Variants in SH3RF3 observed in about 807,000 individuals in gnomAD.
SH3RF3 encodes the protein SH3 domain containing ring finger 3.
In SH3RF3, 29 loss-of-function variants were observed where a neutral mutation model predicts 66.3. The ratio of observed to expected loss-of-function variants is 0.44; its 90% CI spans 0.33 to 0.60. The LOEUF is 0.60. Among genes scored for constraint, SH3RF3 ranks in the 20% least tolerant of loss-of-function variants. The pLI is 0.04. For synonymous variants in SH3RF3, 583 were observed against 532.0 expected (o/e 1.10, Z -1.32); for missense variants, 1,194 against 1,190.9 (o/e 1.00, Z -0.04).
chr2:109,261,410 A>G (rs1002279622), intron 1 of SH3RF3, among the ~76,000 whole-genome samples: 2 of 152,218 alleles, frequency 1.3e-5, no homozygotes, highest in Admixed American at 1.3e-4. Flanking sequence ...CAGAGCAGTA[A>G]AATGTGCAGT....
intron 1 of SH3RF3, among the ~76,000 whole-genome samples, chr2:109,199,939 C>T (rs906924105): frequency 2.2e-5 from 3 of 135,046 alleles, no homozygotes; most frequent in Non-Finnish European, 3.3e-5. Context: ...CTGTACAGCA[C>T]GTGTCCCCAG....
In SH3RF3 at chr2:109,259,522, G is replaced by A. The variant is rs916669701; in HGVS notation, c.574-88152G>A. 1.2e-4 allele frequency among the ~76,000 whole-genome samples: 18 copies of A among 152,150 alleles called. 1 individual carries two copies. Among genetic ancestry groups the A allele is most frequent in the Admixed American group, 6.5e-5 (1 of 15,280 alleles). On this transcript the variant is annotated intron_variant, in intron 1 of 9. Transcript: ENST00000309415. The stretch of plus-strand genomic sequence containing the variant: ...CTTCTGTGCAAAGTCAGGACTCTCC[G>A]GGGCCCTTCATGCCTTAACATCCCA...
At chr2:109,295,478 G>T (rs1036117864) in intron 1 of SH3RF3, among the ~76,000 whole-genome samples, 4 of 152,230 alleles carry the variant, frequency 2.6e-5, no homozygotes, top group African/African-American at 9.6e-5. Flanking sequence ...GGGAGGTGAG[G>T]CTGGGAAAGG....
chr2:109,354,295 G>A (rs1682900306), intron 2 of SH3RF3, among the ~76,000 whole-genome samples: 1 of 152,222 alleles, frequency 6.6e-6, no homozygotes. Context: ...CACCCTGCAG[G>A]CCCAGAGGCT....
intron 3 of SH3RF3, among the ~76,000 whole-genome samples, chr2:109,394,126 T>C (rs1294715564): frequency 6.6e-6 from 1 of 152,198 alleles, no homozygotes; most frequent in Non-Finnish European, 1.5e-5. Context: ...TAGAACTGTT[T>C]AAAGGATGGA....
chr2:109,368,730 G>GAA (rs1411455074), intron 2 of SH3RF3, among the ~76,000 whole-genome samples: 2 of 146,558 alleles, frequency 1.4e-5, no homozygotes, highest in Admixed American at 1.4e-4. Flanking sequence ...AAAAGAAAAA[G>GAA]AAAAAGAAAG....
chr2:109,323,574 C>T (rs941576258), intron 1 of SH3RF3, among the ~76,000 whole-genome samples: 5 of 152,204 alleles, frequency 3.3e-5, no homozygotes, highest in African/African-American at 9.7e-5. Context: ...CCCAGCGAAG[C>T]TTGAACTCAG....
chr2:109,345,267 G>A (rs1372717274), intron 1 of SH3RF3, among the ~76,000 whole-genome samples: 2 of 152,154 alleles, frequency 1.3e-5, no homozygotes, highest in Admixed American at 6.5e-5. Context: ...ATGTCAACCA[G>A]TCTAGAGAAG....
chr2:109,414,758 G>C (rs1159195866), intron 4 of SH3RF3, among the ~76,000 whole-genome samples: 1 of 152,150 alleles, frequency 6.6e-6, no homozygotes, highest in Non-Finnish European at 1.5e-5. Context: ...TGGCCTCTGT[G>C]GTCTCTTGTT....
At chr2:109,380,323 C>G (rs1488883760) in intron 3 of SH3RF3, among the ~76,000 whole-genome samples, 1 of 152,184 alleles carries the variant, frequency 6.6e-6, no homozygotes, top group Non-Finnish European at 1.5e-5. Flanking sequence ...TTTTGTCTCC[C>G]TAAGCCCCTT....
intron 8 of SH3RF3, among the ~76,000 whole-genome samples, chr2:109,450,756 C>T (rs1677844411): frequency 6.6e-6 from 1 of 152,204 alleles, no homozygotes; most frequent in African/African-American, 2.4e-5. Flanking sequence ...GGCTGTATCC[C>T]TAGGGCGTTG....
intron 1 of SH3RF3, among the ~76,000 whole-genome samples, chr2:109,198,118 C>T (rs1247919419): frequency 6.6e-6 from 1 of 152,152 alleles, no homozygotes; most frequent in Non-Finnish European, 1.5e-5. Context: ...TTTGAAGTCT[C>T]TCAGTACCCT....
intron 1 of SH3RF3, among the ~76,000 whole-genome samples, chr2:109,307,830 AC>A (rs1369853038): frequency 2.1e-5 from 3 of 140,266 alleles, no homozygotes; most frequent in African/African-American, 8.7e-5. Context: ...TCATTGTTGG[AC>A]ATTTGGGTTG....
chr2:109,148,299 C>T (rs1015653775), intron 1 of SH3RF3, among the ~76,000 whole-genome samples: 1 of 152,252 alleles, frequency 6.6e-6, no homozygotes, highest in African/African-American at 2.4e-5. Context: ...GTGAGGGAAT[C>T]CACCGGGACG....
At chr2:109,184,590 A>T (rs954548538) in intron 1 of SH3RF3, among the ~76,000 whole-genome samples, 1 of 152,104 alleles carries the variant, frequency 6.6e-6, no homozygotes, top group Admixed American at 6.5e-5. Flanking sequence ...GGCTTCCCCC[A>T]TCCAGTGCTG....
At chr2:109,395,956 G>A (rs1049263227) in intron 3 of SH3RF3, among the ~76,000 whole-genome samples, 1 of 152,230 alleles carries the variant, frequency 6.6e-6, no homozygotes, top group African/African-American at 2.4e-5. Flanking sequence ...TGTTCCTTTG[G>A]GGAGAAGGGA....
At chr2:109,214,338 G>A (rs565939919) in intron 1 of SH3RF3, among the ~76,000 whole-genome samples, 1 of 152,258 alleles carries the variant, frequency 6.6e-6, no homozygotes, top group Admixed American at 6.5e-5. Flanking sequence ...GCAGAGGAGG[G>A]GCCTTGGGGC....
At chr2:109,500,637 A>G (rs146902668) in intron 9 of SH3RF3, among the ~76,000 whole-genome samples, 4 of 152,252 alleles carry the variant, frequency 2.6e-5, no homozygotes, top group African/African-American at 4.8e-5. Flanking sequence ...AAATCTTATG[A>G]TTTTTGGAGC....
intron 2 of SH3RF3, among the ~76,000 whole-genome samples, chr2:109,350,358 G>C (rs951734829): frequency 6.6e-6 from 1 of 152,190 alleles, no homozygotes; most frequent in African/African-American, 2.4e-5. Context: ...AGACAAGGGG[G>C]AAGTGTCATA....
Sources: gnomAD v4.1 joint callset for allele counts (sites outside exome capture counted in the v4.1 genomes callset) on GRCh38, gnomAD v4.1.1 for gene constraint, MANE v1.5 for transcripts, NCBI Gene and HGNC (gene_info 2026-07-23, HGNC 2026-07-21) for gene names.